FHIT: variants seen among roughly 807,000 people sequenced by gnomAD.
FHIT encodes the protein bis(5'-adenosyl)-triphosphatase.
FHIT carries 19 observed loss-of-function variants against 17.9 expected under a neutral mutation model. The ratio of observed to expected loss-of-function variants is 1.06; its 90% CI spans 0.74 to 1.56. The LOEUF (loss-of-function observed/expected upper bound fraction) is 1.56, where lower values mean the gene tolerates loss of function less well. FHIT is among the 40% of genes most tolerant of loss of function. The pLI is 0.00. For synonymous variants in FHIT, 81 were observed against 69.7 expected (o/e 1.16, Z -0.81); for missense variants, 248 against 189.2 (o/e 1.31, Z -1.82).
chr3:61,008,791 A>G (rs146495323), intron 3 of FHIT, among the ~76,000 whole-genome samples: 17 of 152,320 alleles, frequency 1.1e-4, no homozygotes, highest in African/African-American at 4.1e-4. Flanking sequence ...ATTAAATCCA[A>G]TAACAAGTTC....
intron 5 of FHIT, among the ~76,000 whole-genome samples, chr3:60,153,219 C>T (rs1700540877): frequency 1.3e-5 from 2 of 152,190 alleles, no homozygotes; most frequent in South Asian, 4.2e-4. Context: ...AATGGACTTT[C>T]CCTCAGTGTC....
At chr3:60,048,889 A>C (rs1423971527) in intron 5 of FHIT, among the ~76,000 whole-genome samples, 1 of 152,208 alleles carries the variant, frequency 6.6e-6, no homozygotes, top group Admixed American at 6.5e-5. Context: ...TTGTGAAACC[A>C]TAATTTTGCA....
chr3:61,241,529 T>C (rs1158906467), intron 1 of FHIT, among the ~76,000 whole-genome samples: 1 of 152,226 alleles, frequency 6.6e-6, no homozygotes, highest in African/African-American at 2.4e-5. Flanking sequence ...TGACTGTAGA[T>C]TGTATGCTCC....
At chr3:60,158,505 T>G (rs1700804189) in intron 5 of FHIT, among the ~76,000 whole-genome samples, 1 of 151,980 alleles carries the variant, frequency 6.6e-6, no homozygotes, top group Non-Finnish European at 1.5e-5. Context: ...AGAGATGGGG[T>G]TTCACCATGT....
intron 5 of FHIT, among the ~76,000 whole-genome samples, chr3:60,472,052 T>G (rs895395416): frequency 2.0e-5 from 3 of 152,088 alleles, no homozygotes; most frequent in Non-Finnish European, 4.4e-5. Flanking sequence ...TTGGGTACAA[T>G]GTTCACTATT....
chr3:60,507,183 C>T (rs774918363), intron 5 of FHIT, among the ~76,000 whole-genome samples: 3 of 152,052 alleles, frequency 2.0e-5, no homozygotes, highest in South Asian at 2.1e-4. Context: ...AGAAGGGATA[C>T]GTGAGTTGGC....
intron 2 of FHIT, among the ~76,000 whole-genome samples, chr3:61,117,808 T>A (rs1457625044): frequency 6.6e-6 from 1 of 152,172 alleles, no homozygotes; most frequent in African/African-American, 2.4e-5. Context: ...GTTTTCCACT[T>A]GCTAATTGCC....
chr3:60,203,237 T>TA (rs952015684), intron 5 of FHIT, among the ~76,000 whole-genome samples: 10 of 151,120 alleles, frequency 6.6e-5, no homozygotes, highest in South Asian at 2.1e-4. Context: ...AACACAAAGT[T>TA]AAAAAAAAAT....
chr3:60,769,182 G>A (rs1485142785), intron 4 of FHIT, among the ~76,000 whole-genome samples: 1 of 152,068 alleles, frequency 6.6e-6, no homozygotes, highest in Non-Finnish European at 1.5e-5. Flanking sequence ...CTCAACAGTG[G>A]AATGGCCAGT....
intron 7 of FHIT, among the ~76,000 whole-genome samples, chr3:59,951,706 A>G (rs1707125894): frequency 6.8e-6 from 1 of 147,244 alleles, no homozygotes; most frequent in South Asian, 2.3e-4. Context: ...GAGATCCCAC[A>G]CAGGCCTCCC....
At chr3:60,441,710 A>ATATATATATTTGTATT (rs2030822198) in intron 5 of FHIT, among the ~76,000 whole-genome samples, 2 of 96,494 alleles carry the variant, frequency 2.1e-5, no homozygotes, top group East Asian at 3.2e-4. Context: ...ATTTATATAT[A>ATATATATATTTGTATT]TATATATATA....
intron 2 of FHIT, among the ~76,000 whole-genome samples, chr3:61,069,133 G>A (rs1004595939): frequency 1.3e-5 from 2 of 151,996 alleles, no homozygotes; most frequent in Admixed American, 6.6e-5. Flanking sequence ...TTTAAAATAC[G>A]AATGTCTGCT....
chr3:60,041,503 C>G (rs140411034), intron 5 of FHIT, among the ~76,000 whole-genome samples: 1 of 152,334 alleles, frequency 6.6e-6, no homozygotes, highest in Non-Finnish European at 1.5e-5. Context: ...TAGCCACACA[C>G]TTGTTTACCA....
chr3:60,686,903 C>G (rs986281671), intron 4 of FHIT, among the ~76,000 whole-genome samples: 1 of 152,254 alleles, frequency 6.6e-6, no homozygotes, highest in Non-Finnish European at 1.5e-5. Flanking sequence ...TCTTCAACCC[C>G]CTTCGAGAAT....
Position 60,023,802 on chromosome 3 carries a change from C to T in FHIT, c.104-9650G>A, listed in dbSNP as rs1051098643. On this transcript the variant is annotated intron_variant, in intron 5 of 9. Transcript: ENST00000492590. ...ACACAGAGCTTAACATAGCATTGGCCTTTAATAAATACTTGGTGAAAAAAT... is the reference window on the plus strand; with the variant it reads ...ACACAGAGCTTAACATAGCATTGGCTTTTAATAAATACTTGGTGAAAAAAT... Among the ~76,000 whole-genome samples the T allele has an allele frequency of 4.6e-5, 7 of 152,144 alleles. No homozygotes were observed. In the South Asian group the frequency reaches 6.2e-4, roughly 14 times the overall value.
chr3:60,587,267 G>C (rs2682964), intron 4 of FHIT, among the ~76,000 whole-genome samples: 140,479 of 152,146 alleles, frequency 0.92, 64,957 homozygotes, highest in African/African-American at 0.97. Context: ...AACCAGACAC[G>C]ACATGTTCTC....
chr3:60,049,033 T>A (rs1256943004), intron 5 of FHIT, among the ~76,000 whole-genome samples: 1 of 152,158 alleles, frequency 6.6e-6, no homozygotes, highest in Non-Finnish European at 1.5e-5. Flanking sequence ...CTCCAAGATG[T>A]CACTTGGATT....
chr3:60,030,598 T>C (rs1386583974), intron 5 of FHIT, among the ~76,000 whole-genome samples: 1 of 152,222 alleles, frequency 6.6e-6, no homozygotes, highest in Non-Finnish European at 1.5e-5. Flanking sequence ...TTGTTTTCTA[T>C]TGAGAATGCA....
At chr3:60,938,171 A>T (rs1161529341) in intron 3 of FHIT, among the ~76,000 whole-genome samples, 1 of 152,216 alleles carries the variant, frequency 6.6e-6, no homozygotes, top group Non-Finnish European at 1.5e-5. Flanking sequence ...CAGAGGAAGC[A>T]AGGGCTGAAG....
Sources: allele counts gnomAD v4.1 joint callset (sites outside exome capture counted in the v4.1 genomes callset), GRCh38; gene constraint gnomAD v4.1.1; transcripts MANE v1.5; gene names NCBI Gene and HGNC (gene_info 2026-07-23, HGNC 2026-07-21).